Variants in EPHA8 observed in about 807,000 individuals in gnomAD.
EPHA8 encodes the protein EPH receptor A8.
Under a neutral mutation model 103.6 loss-of-function variants are expected in EPHA8, and 58 were observed. The observed-to-expected ratio is 0.56, with a 90% CI of 0.45 to 0.70. EPHA8 has a LOEUF of 0.70. Ranked by LOEUF, EPHA8 falls within the 30% of genes least tolerant of loss-of-function variation. The probability of loss-of-function intolerance (pLI) is 0.00; values close to 1 mark genes in which losing one functional copy is unlikely to be tolerated. For missense variants in EPHA8, 1,304 were observed against 1,395.2 expected, an observed-to-expected ratio of 0.93 and a Z score of 1.04; for synonymous variants, 559 against 572.5, an observed-to-expected ratio of 0.98 and a Z score of 0.34.
intron 5 of EPHA8, among the ~76,000 whole-genome samples, chr1:22,592,866 A>C (rs1043374733): frequency 9.9e-5 from 15 of 152,050 alleles, no homozygotes; most frequent in Non-Finnish European, 2.9e-5. Context: ...CGGGCAACCA[A>C]GTGTGACTGG....
intron 3 of EPHA8, among the ~76,000 whole-genome samples, chr1:22,579,113 GTGTACGTGTATGTGTGCA>G (rs796175610): frequency 0.077 from 11,374 of 147,976 alleles, 508 homozygotes; most frequent in Non-Finnish European, 0.1. Flanking sequence ...ATGTGTGCAT[GTGTACGTGTATGTGTGCA>G]TGTGTGTGTG....
chr1:22,585,046 T>C (rs879296386), intron 3 of EPHA8, among the ~76,000 whole-genome samples: 220 of 112,502 alleles, frequency 2.0e-3, no homozygotes, highest in Middle Eastern at 3.9e-3. Flanking sequence ...TGTGTGTGTG[T>C]GTGTGCGCAC....
rs562198376 is a variant in EPHA8, at chr1:22,576,346, G to A, written c.289G>A (p.Val97Ile). ...GGTCCCCCGAGACGGCGCCCGGCGC[G>A]TCTATGCTGAGATCAAGTTTACCCT... ...SWVPRDGARR[V>I]YAEIKFTLRD... Residue 97 changes from valine (V) to isoleucine (I), a missense_variant, in exon 3 of 17, where the codon GTC (valine) becomes ATC (isoleucine). Val to Ile is a conservative substitution (Grantham distance 29). Transcript: ENST00000166244. This position sits in a 1 kb window ranked among gnomAD's most constrained non-coding sequence, Gnocchi z 4.8. 1.2e-5 allele frequency: 20 copies of A among 1,613,738 alleles called. No individual in the cohort carries two copies. The highest frequency in any genetic ancestry group is 5.0e-5 in the Admixed American group (3 of 60,016).
Position 22,563,588 on chromosome 1 carries a change from C to A in EPHA8, c.-48C>A. 1 of 144,520 alleles carries A rather than the reference C, an allele frequency of 6.9e-6. No individual in the cohort carries two copies. The highest frequency in any genetic ancestry group is 1.9e-4 in the South Asian group (1 of 5,352). The allele number at this position is 144,520 out of a possible 1,614,324, so 9.0% of individuals were successfully genotyped here. A position where few individuals can be genotyped will look rare whatever the true frequency, so the allele number is the denominator to read the frequency against. On this transcript the variant is annotated 5_prime_UTR_variant, in exon 1 of 17. Transcript: ENST00000166244. The surrounding 1 kb of genome is among the most constrained non-coding windows in gnomAD (Gnocchi z 4.4). ...CTCCCGACGCGCGGGCCGCAGCGGC[C>A]AAGCCCGAGGGTGCGTGGCGCCCCC...
chr1:22,586,653 A>T lies in EPHA8; in HGVS notation c.979+18A>T, dbSNP rs1570001549. 2 of 1,611,906 alleles carry T rather than the reference A, an allele frequency of 1.2e-6. No homozygotes were observed. The highest frequency in any genetic ancestry group is 1.7e-5 in the Admixed American group (1 of 59,954). ...CTGCACCCGTGAGTACCACTCCGAG[A>T]TGCCAGTACCCTTGAGCCCAAGACT... On this transcript the variant is annotated intron_variant, in intron 4 of 16. Coordinates refer to ENST00000166244, the MANE Select transcript of EPHA8 (RefSeq NM_020526.5).
At chr1:22,580,884 G>A (rs1009702225) in intron 3 of EPHA8, among the ~76,000 whole-genome samples, 2 of 152,168 alleles carry the variant, frequency 1.3e-5, no homozygotes, top group Non-Finnish European at 2.9e-5. Flanking sequence ...CGTCTCCCTA[G>A]CCTGCCCCAG....
Position 22,569,437 on chromosome 1 carries a change from A to G in EPHA8, c.159+84A>G. The stretch of plus-strand genomic sequence containing the variant: ...TCACAGAGTCTGCATGAGATAGATC[A>G]AAAGGAAGCAGAGGCCCAGAGAGGT... On this transcript the variant is annotated intron_variant, in intron 2 of 16. Coordinates refer to ENST00000166244, the MANE Select transcript of EPHA8 (RefSeq NM_020526.5). This position sits in a 1 kb window ranked among gnomAD's most constrained non-coding sequence, Gnocchi z 4.5. 1 of 1,430,672 alleles carries G rather than the reference A, an allele frequency of 7.0e-7. No individual in the cohort carries two copies. The highest frequency in any genetic ancestry group is 2.4e-5 in the East Asian group (1 of 41,296). 88.6% of individuals were successfully genotyped at this position (1,430,672 alleles called of 1,614,324 possible). A position where few individuals can be genotyped will look rare whatever the true frequency, so the allele number is the denominator to read the frequency against.
chr1:22,601,451 A>G lies in EPHA8; in HGVS notation c.2881A>G (p.Met961Val). 6.2e-7 allele frequency: 1 copy of G among 1,609,758 alleles called. No homozygotes were observed. The highest frequency in any genetic ancestry group is 1.1e-5 in the South Asian group (1 of 91,048). Reference sequence around the variant, plus strand: ...TGCGGGCGGATACTCCTCTCTGGGCATGGTGCTACGCATGAACGCCCAGTG... The same window carrying G: ...TGCGGGCGGATACTCCTCTCTGGGCGTGGTGCTACGCATGAACGCCCAGTG... The part of the protein sequence containing the change: ...FAAGGYSSLG[M>V]VLRMNAQDVR... The change falls in exon 16 of 17, where the codon ATG becomes GTG. Residue 961 changes from methionine (M) to valine (V), a missense_variant. Physicochemically the swap from Met to Val is conservative, Grantham distance 21. Transcript: ENST00000166244.
chr1:22,571,386 G>A (rs892356818), intron 2 of EPHA8, among the ~76,000 whole-genome samples: 9 of 152,216 alleles, frequency 5.9e-5, no homozygotes, highest in Non-Finnish European at 1.5e-5. Flanking sequence ...GCTCAGGGCA[G>A]TGAGGAGTAA....
rs544034693 is a variant in EPHA8, at chr1:22,601,771, C to T, written c.*30C>T. On this transcript the variant is annotated 3_prime_UTR_variant, in exon 17 of 17. Coordinates refer to ENST00000166244, the MANE Select transcript of EPHA8 (RefSeq NM_020526.5). ...CAGCCAGCAGGGCCCAGGCAGCCACCAAGCCCACCCCAGGTCATGCCAGCG... is the reference window on the plus strand; with the variant it reads ...CAGCCAGCAGGGCCCAGGCAGCCACTAAGCCCACCCCAGGTCATGCCAGCG... The T allele has an allele frequency of 3.2e-6, 5 of 1,542,518 alleles. No homozygotes were observed. The African/African-American group carries it at 4.1e-5, about 13-fold the overall frequency.
Position 22,586,937 on chromosome 1 carries a change from C to T in EPHA8, c.979+302C>T, listed in dbSNP as rs182016453. Among the ~76,000 whole-genome samples, 449 of 152,372 alleles carry T rather than the reference C, an allele frequency of 2.9e-3. 2 individuals are homozygous for T. Among genetic ancestry groups the T allele is most frequent in the African/African-American group, 0.01 (436 of 41,590 alleles). ...TCATCTTCTGATCTAGCAGCGATGCCGATGTCCTGGGGGCCAGGTGGGCAA... is the reference window on the plus strand; with the variant it reads ...TCATCTTCTGATCTAGCAGCGATGCTGATGTCCTGGGGGCCAGGTGGGCAA... On this transcript the variant is annotated intron_variant, in intron 4 of 16. Coordinates refer to ENST00000166244, the MANE Select transcript of EPHA8 (RefSeq NM_020526.5).
chr1:22,603,370 T>C lies in EPHA8; in HGVS notation c.*1629T>C, dbSNP rs961088071. The C allele has an allele frequency of 6.6e-6, 1 of 151,108 alleles. No individual in the cohort carries two copies. Among genetic ancestry groups the C allele is most frequent in the Non-Finnish European group, 1.5e-5 (1 of 67,632 alleles). The allele number at this position is 151,108 out of a possible 1,614,324, so 9.4% of individuals were successfully genotyped here. A position where few individuals can be genotyped will look rare whatever the true frequency, so the allele number is the denominator to read the frequency against. On this transcript the variant is annotated 3_prime_UTR_variant, in exon 17 of 17. Transcript: ENST00000166244. ...TCGGAAACATGGTCAGAACACGATC[T>C]GGGGGGGGGATCCTGTCTTCCTCCC... is the stretch of plus-strand genomic sequence containing the variant.
rs59770818 is a variant in EPHA8, at chr1:22,578,112, G to T, written c.823+1232G>T. Among the ~76,000 whole-genome samples, 104 of 57,774 alleles carry T rather than the reference G, an allele frequency of 1.8e-3. 1 individual carries two copies. The highest frequency in any genetic ancestry group is 5.2e-3 in the African/African-American group (96 of 18,578). The allele number at this position is 57,774 out of a possible 152,430, so 37.9% of individuals were successfully genotyped here. On this transcript the variant is annotated intron_variant, in intron 3 of 16. Transcript: ENST00000166244. ...GCATGTAGCGTCAGTGTATGCATGT[G>T]TGCGTGAGTGTATGCATGTGTGCAT...
chr1:22,596,586 C>T (rs1429542406), intron 9 of EPHA8, among the ~76,000 whole-genome samples: 1 of 152,212 alleles, frequency 6.6e-6, no homozygotes, highest in Non-Finnish European at 1.5e-5. Context: ...TGCTGATTCC[C>T]ACCAGGCCTG....
chr1:22,580,974 G>A (rs761168187), intron 3 of EPHA8, among the ~76,000 whole-genome samples: 25 of 152,276 alleles, frequency 1.6e-4, no homozygotes, highest in East Asian at 1.5e-3. Context: ...ATGATTTTTC[G>A]TCTTTGATGT....
At position 22,597,064 on chromosome 1, in the gene EPHA8, A is replaced by G. The variant is rs968842751; in HGVS notation, c.1766-248A>G. On this transcript the variant is annotated intron_variant, in intron 9 of 16. Transcript: ENST00000166244. The surrounding 1 kb of genome is among the most constrained non-coding windows in gnomAD (Gnocchi z 4.6). ...AAAGATCTCAAGGACTGTAAAAGTGACCCCAGAAAATGACAGACATGCCCA... is the reference window on the plus strand; with the variant it reads ...AAAGATCTCAAGGACTGTAAAAGTGGCCCCAGAAAATGACAGACATGCCCA... Among the ~76,000 whole-genome samples, 4 of 152,030 alleles carry G rather than the reference A, an allele frequency of 2.6e-5. No homozygotes were observed. Among genetic ancestry groups the G allele is most frequent in the African/African-American group, 9.7e-5 (4 of 41,380 alleles).
intron 3 of EPHA8, among the ~76,000 whole-genome samples, chr1:22,578,878 T>TATATGC (rs1557561829): frequency 2.3e-5 from 3 of 133,124 alleles, no homozygotes; most frequent in African/African-American, 1.2e-4. Flanking sequence ...CACGTGTCCG[T>TATATGC]GTGTCCGTGT....
chr1:22,583,586 A>G (rs1641105040), intron 3 of EPHA8, among the ~76,000 whole-genome samples: 1 of 152,194 alleles, frequency 6.6e-6, no homozygotes, highest in Admixed American at 6.5e-5. Flanking sequence ...AAGAATTCCA[A>G]CTACATCAAA....
chr1:22,586,043 G>A (rs1433701941), intron 3 of EPHA8, among the ~76,000 whole-genome samples: 1 of 152,186 alleles, frequency 6.6e-6, no homozygotes, highest in Non-Finnish European at 1.5e-5. Context: ...CAGTTCCGGG[G>A]CATTTGATCC....
Sources: gnomAD v4.1 joint callset for allele counts (sites outside exome capture counted in the v4.1 genomes callset) on GRCh38, gnomAD v4.1.1 for gene constraint, Gnocchi (gnomAD v3.1) non-coding constraint, MANE v1.5 for transcripts, NCBI Gene and HGNC (gene_info 2026-07-23, HGNC 2026-07-21) for gene names.